The following C2orf72 variants were observed in gnomAD, a reference collection of about 807,000 sequenced individuals.
C2orf72 encodes chromosome 2 open reading frame 72, also known as uncharacterized protein C2orf72.
A neutral mutation model predicts 14.4 loss-of-function variants in C2orf72; 16 were observed. The observed-to-expected ratio is 1.11, with a 90% CI of 0.75 to 1.69. C2orf72 has a LOEUF of 1.69. C2orf72 is among the 40% of genes most tolerant of loss of function. The pLI is 0.00. For synonymous variants in C2orf72, 168 were observed against 176.8 expected (o/e 0.95, Z 0.40); for missense variants, 371 against 358.3 (o/e 1.04, Z -0.29).
chr2:231,038,089 C>T lies in C2orf72; in HGVS notation c.524C>T (p.Ala175Val). Residue 175 changes from alanine (A) to valine (V), a missense_variant, in exon 1 of 3, where the codon GCG becomes GTG. Ala to Val is a moderately conservative substitution (Grantham distance 64, BLOSUM62 0). Coordinates refer to ENST00000373640, the MANE Select transcript of C2orf72 (RefSeq NM_001144994.2). ...ALLRAVFGRQ[A>V]GGPVQAAAYC... is the part of the protein sequence containing the mutation. ...TTGCGCGCCGTGTTCGGCCGCCAGGCGGGGGGGCCCGTGCAGGCGGCCGCC... is the reference window on the plus strand; with the variant it reads ...TTGCGCGCCGTGTTCGGCCGCCAGGTGGGGGGGCCCGTGCAGGCGGCCGCC... The T allele has an allele frequency of 8.7e-7, 1 of 1,145,184 alleles. No homozygotes were observed. Among genetic ancestry groups the T allele is most frequent in the Non-Finnish European group, 1.1e-6 (1 of 932,988 alleles). 70.9% of individuals were successfully genotyped at this position (1,145,184 alleles called of 1,614,324 possible). A position where few individuals can be genotyped will look rare whatever the true frequency, so the allele number is the denominator to read the frequency against.
In C2orf72 at chr2:231,045,155, T is replaced by G. The variant is rs531948248; in HGVS notation, c.749-1727T>G. Among the ~76,000 whole-genome samples the G allele has an allele frequency of 1.8e-3, 278 of 151,736 alleles. 1 individual carries two copies. The highest frequency in any genetic ancestry group is 6.3e-3 in the African/African-American group (259 of 41,384). On this transcript the variant is annotated intron_variant, in intron 2 of 2. Coordinates refer to ENST00000373640, the MANE Select transcript of C2orf72 (RefSeq NM_001144994.2). ...GGCACACGCCTGTAATCTCAGCTAC[T>G]CGGGAGGCTGAGGCAGGAGAACTGC...
intron 2 of C2orf72, among the ~76,000 whole-genome samples, chr2:231,044,059 C>T (rs960344846): frequency 2.0e-5 from 3 of 152,090 alleles, no homozygotes; most frequent in African/African-American, 7.2e-5. Context: ...CTGTGTGTCT[C>T]AACATACCTA....
chr2:231,044,817 G>T, intron 2 of C2orf72, among the ~76,000 whole-genome samples: 2 of 149,856 alleles, frequency 1.3e-5, no homozygotes, highest in African/African-American at 2.4e-5. Context: ...TAACACACAT[G>T]GAGCTGTCAC....
intron 2 of C2orf72, among the ~76,000 whole-genome samples, chr2:231,046,119 C>T (rs1478393961): frequency 6.6e-6 from 1 of 151,986 alleles, no homozygotes; most frequent in African/African-American, 2.4e-5. Context: ...ATAGTGAGAC[C>T]CTGTCTCAAA....
At chr2:231,039,633 T>A (rs1443053775) in intron 1 of C2orf72, among the ~76,000 whole-genome samples, 1 of 152,144 alleles carries the variant, frequency 6.6e-6, no homozygotes, top group Non-Finnish European at 1.5e-5. Flanking sequence ...TGCAATCCAT[T>A]TTTTTGTTGA....
At chr2:231,043,308 C>A (rs1281524093) in intron 2 of C2orf72, among the ~76,000 whole-genome samples, 1 of 152,062 alleles carries the variant, frequency 6.6e-6, no homozygotes, top group African/African-American at 2.4e-5. Flanking sequence ...CAGAGCCCAT[C>A]CAGACTCAAG....
chr2:231,047,107 C>A lies in C2orf72; in HGVS notation c.*86C>A. The A allele has an allele frequency of 6.7e-7, 1 of 1,502,716 alleles. No homozygotes were observed. Among genetic ancestry groups the A allele is most frequent in the African/African-American group, 1.4e-5 (1 of 72,168 alleles). The allele number at this position is 1,502,716 out of a possible 1,614,324, so 93.1% of individuals were successfully genotyped here. ...ACTGGCCCCCAGGTCTCCATGGAGA[C>A]TGCAGAAACCCCCGCCTGCTGGAGG... On this transcript the variant is annotated 3_prime_UTR_variant, in exon 3 of 3. Transcript: ENST00000373640.
chr2:231,046,227 C>T (rs567156577), intron 2 of C2orf72, among the ~76,000 whole-genome samples: 3 of 151,728 alleles, frequency 2.0e-5, no homozygotes, highest in African/African-American at 7.3e-5. Flanking sequence ...ATAGCACAAA[C>T]GGGATATTGA....
rs1301408196 is a variant in C2orf72, at chr2:231,047,371, C to T, written c.*350C>T. 2.6e-6 allele frequency: 1 copy of T among 378,242 alleles called. No individual in the cohort carries two copies. The highest frequency in any genetic ancestry group is 5.1e-6 in the Non-Finnish European group (1 of 194,704). 23.4% of individuals were successfully genotyped at this position (378,242 alleles called of 1,614,324 possible). A position where few individuals can be genotyped will look rare whatever the true frequency, so the allele number is the denominator to read the frequency against. ...GTGTCTGCAGTGTTCTGGGCACATG[C>T]ATGGGCACCCATCGTTGAGAGTGCA... On this transcript the variant is annotated 3_prime_UTR_variant, in exon 3 of 3. Transcript: ENST00000373640.
intron 2 of C2orf72, among the ~76,000 whole-genome samples, chr2:231,045,133 A>G (rs563211644): frequency 2.0e-5 from 3 of 151,902 alleles, no homozygotes; most frequent in African/African-American, 7.2e-5. Flanking sequence ...GCGTGGTGGC[A>G]CACGCCTGTA....
At chr2:231,041,262 T>A in intron 1 of C2orf72, 34 bp from the exon 2 acceptor site, 1 of 1,465,608 alleles carries the variant, frequency 6.8e-7, no homozygotes, top group African/African-American at 1.4e-5. Flanking sequence ...GGGAACCATG[T>A]GACCCTCTGA....
At chr2:231,046,365 G>A (rs1192792987) in intron 2 of C2orf72, among the ~76,000 whole-genome samples, 3 of 148,470 alleles carry the variant, frequency 2.0e-5, no homozygotes, top group African/African-American at 7.5e-5. Flanking sequence ...TTTATATATT[G>A]TCTTTAATAC....
chr2:231,040,534 T>C (rs1435702630), intron 1 of C2orf72, among the ~76,000 whole-genome samples: 1 of 152,280 alleles, frequency 6.6e-6, no homozygotes, highest in Non-Finnish European at 1.5e-5. Context: ...CCCACTGATT[T>C]CTTTGCAGCT....
Position 231,040,877 on chromosome 2 carries a change from TAAAC to T in C2orf72, c.635-416_635-413del, listed in dbSNP as rs201306788. The stretch of plus-strand genomic sequence containing the variant: ...TTTAAAAATAAATAAATAAATAAAA[TAAAC>T]AACCTAGTTCCTGTTGACTTTATAG... On this transcript the variant is annotated intron_variant, in intron 1 of 2. Coordinates refer to ENST00000373640, the MANE Select transcript of C2orf72 (RefSeq NM_001144994.2). Among the ~76,000 whole-genome samples, 1,415 of 152,270 alleles carry T rather than the reference TAAAC, an allele frequency of 9.3e-3. 13 individuals are homozygous for T. Among genetic ancestry groups the T allele is most frequent in the Non-Finnish European group, 0.015 (1,037 of 68,008 alleles).
rs1239897783 is a variant in C2orf72 at position 231,041,376 on chromosome 2, C to G, written c.715C>G (p.Gln239Glu). ...SWGPWSRRKNQDVAACRSSAQ... is the reference protein window; with the variant it reads ...SWGPWSRRKNEDVAACRSSAQ... The stretch of plus-strand genomic sequence containing the variant: ...GGGTCCCTGGAGCCGGAGGAAGAAC[C>G]AGGATGTTGCTGCCTGCAGAAGCTC... The change falls in exon 2 of 3, where the codon CAG (glutamine) becomes GAG (glutamate). Residue 239 changes from glutamine to glutamate, a missense_variant. By Grantham distance (29) the Gln-to-Glu change is conservative. Transcript: ENST00000373640. 2 of 1,551,532 alleles carry G rather than the reference C, an allele frequency of 1.3e-6. No individual in the cohort carries two copies. The highest frequency in any genetic ancestry group is 1.7e-6 in the Non-Finnish European group (2 of 1,146,952).
In C2orf72 at chr2:231,047,187, A is replaced by C. The variant is rs1311297147; in HGVS notation, c.*166A>C. The C allele has an allele frequency of 1.2e-6, 1 of 843,964 alleles. No homozygotes were observed. Among genetic ancestry groups the C allele is most frequent in the African/African-American group, 1.7e-5 (1 of 59,890 alleles). The allele number at this position is 843,964 out of a possible 1,614,324, so 52.3% of individuals were successfully genotyped here. A position where few individuals can be genotyped will look rare whatever the true frequency, so the allele number is the denominator to read the frequency against. On this transcript the variant is annotated 3_prime_UTR_variant, in exon 3 of 3. Coordinates refer to ENST00000373640, the MANE Select transcript of C2orf72 (RefSeq NM_001144994.2). ...AGTGGGGCTTACTAAGACAAGCAGG[A>C]CCTAAAACAGTGTCTCCCCTGGGAA...
Position 231,038,148 on chromosome 2 carries a change from G to A in C2orf72, c.583G>A (p.Val195Ile). 8.6e-7 allele frequency: 1 copy of A among 1,165,670 alleles called. No homozygotes were observed. Among genetic ancestry groups the A allele is most frequent in the South Asian group, 4.2e-5 (1 of 23,628 alleles). 72.2% of individuals were successfully genotyped at this position (1,165,670 alleles called of 1,614,324 possible). A position where few individuals can be genotyped will look rare whatever the true frequency, so the allele number is the denominator to read the frequency against. Reference protein sequence around the residue: ...CPGLPASCLAVQAAACRALQA... With the variant: ...CPGLPASCLAIQAAACRALQA... ...CGGCCTCCCGGCCTCCTGCCTGGCC[G>A]TCCAGGCGGCCGCCTGCAGGGCCCT... is the stretch of plus-strand genomic sequence containing the variant. The change falls in exon 1 of 3, where the codon GTC becomes ATC. Residue 195 changes from valine (V) to isoleucine (I), a missense_variant. Around this residue, in one of 3 missense-constraint regions of C2orf72, gnomAD observed 145 missense variants for 149.4 expected, o/e 0.97. Coordinates refer to ENST00000373640, the MANE Select transcript of C2orf72 (RefSeq NM_001144994.2).
intron 2 of C2orf72, among the ~76,000 whole-genome samples, chr2:231,043,082 T>C (rs566756332): frequency 1.3e-5 from 2 of 152,376 alleles, no homozygotes; most frequent in Admixed American, 6.5e-5. Flanking sequence ...TCTTGCTGGC[T>C]GTCAGCTGGG....
intron 1 of C2orf72, among the ~76,000 whole-genome samples, chr2:231,039,551 C>G (rs1693312995): frequency 6.6e-6 from 1 of 152,104 alleles, no homozygotes; most frequent in Non-Finnish European, 1.5e-5. Context: ...TGTGATGCTG[C>G]CAATGTCACA....
Sources: allele counts gnomAD v4.1 joint callset (sites outside exome capture counted in the v4.1 genomes callset), GRCh38; gene constraint gnomAD v4.1.1; regional missense constraint gnomAD v4.1.1; transcripts MANE v1.5; gene names NCBI Gene and HGNC (gene_info 2026-07-23, HGNC 2026-07-21).